GCC2: variants seen among roughly 807,000 people sequenced by gnomAD.
GCC2 encodes the protein GRIP and coiled-coil domain-containing protein 2.
GCC2 carries 120 observed loss-of-function variants against 210.6 expected under a neutral mutation model. The ratio of observed to expected loss-of-function variants is 0.57; its 90% CI spans 0.49 to 0.66. The LOEUF (loss-of-function observed/expected upper bound fraction) is 0.66, where lower values mean the gene tolerates loss of function less well. Ranked by LOEUF, GCC2 falls within the 30% of genes least tolerant of loss-of-function variation. GCC2 has a pLI of 0.00. For missense variants in GCC2, 1,868 were observed against 1,871.9 expected (o/e 1.00, Z 0.04); for synonymous variants, 703 against 652.7 (o/e 1.08, Z -1.17).
intron 18 of GCC2, among the ~76,000 whole-genome samples, chr2:108,491,893 TA>T (rs764259113): frequency 1.3e-5 from 2 of 152,018 alleles, no homozygotes; most frequent in Non-Finnish European, 2.9e-5. Flanking sequence ...GCTGAGTACA[TA>T]AAAATCACAT....
chr2:108,503,257 A>C (rs1371406763), intron 22 of GCC2, among the ~76,000 whole-genome samples: 1 of 152,032 alleles, frequency 6.6e-6, no homozygotes, highest in Non-Finnish European at 1.5e-5. Context: ...CAGCCAGAGA[A>C]AGAAGACACA....
Position 108,475,736 on chromosome 2 carries a change from C to T in GCC2, c.2962-16C>T. 3 of 1,553,338 alleles carry T rather than the reference C, an allele frequency of 1.9e-6. No homozygotes were observed. The highest frequency in any genetic ancestry group is 8.8e-7 in the Non-Finnish European group (1 of 1,139,664). On this transcript the variant is annotated splice_polypyrimidine_tract_variant and intron_variant, in intron 8 of 22. Transcript: ENST00000309863. ...AAAAACAAAAACCTCTTTAATTTTA[C>T]TTGTGTTTAAAACAGACCCAGACTG...
chr2:108,505,619 T>TC (rs1486993359), intron 22 of GCC2, among the ~76,000 whole-genome samples: 3 of 152,138 alleles, frequency 2.0e-5, no homozygotes, highest in African/African-American at 7.2e-5. Flanking sequence ...ACACAGGCCA[T>TC]CAGTTTAGCG....
chr2:108,449,219 A>T lies in GCC2; in HGVS notation c.-56A>T. ...AGAGCCTACGTCAGAGGCTGGCGCA[A>T]ACAGAAGTGCAGCGGTGGCGGCGGC... On this transcript the variant is annotated 5_prime_UTR_variant, in exon 1 of 23. Coordinates refer to ENST00000309863, the MANE Select transcript of GCC2 (RefSeq NM_181453.4). 1 of 1,536,504 alleles carries T rather than the reference A, an allele frequency of 6.5e-7. No homozygotes were observed. The highest frequency in any genetic ancestry group is 2.5e-5 in the East Asian group (1 of 40,772).
At chr2:108,506,466 C>G (rs1683190926) in intron 22 of GCC2, among the ~76,000 whole-genome samples, 1 of 152,164 alleles carries the variant, frequency 6.6e-6, no homozygotes, top group African/African-American at 2.4e-5. Flanking sequence ...GTGGGAGAAG[C>G]AGCCAGGGAG....
intron 9 of GCC2, among the ~76,000 whole-genome samples, chr2:108,476,728 C>T (rs1260095924): frequency 6.6e-6 from 1 of 152,122 alleles, no homozygotes; most frequent in South Asian, 2.1e-4. Flanking sequence ...TGTTATGTGG[C>T]AGACTGACTT....
At chr2:108,490,228 T>C (rs922863775) in intron 18 of GCC2, 4 of 366,434 alleles carry the variant, frequency 1.1e-5, no homozygotes, top group Non-Finnish European at 1.5e-5. Flanking sequence ...GTCTATCTGC[T>C]CATCCAGTAT....
At chr2:108,490,994 T>C (rs540773419) in intron 18 of GCC2, among the ~76,000 whole-genome samples, 3 of 152,316 alleles carry the variant, frequency 2.0e-5, no homozygotes, top group African/African-American at 7.2e-5. Context: ...TTCAGAAATA[T>C]TAAAAACTAA....
rs139691316 is a variant in GCC2, at chr2:108,471,189, A to G, written c.1860A>G (p.Glu620=). 5.1e-4 allele frequency: 821 copies of G among 1,604,486 alleles called. 3 individuals are homozygous for G. The highest frequency in any genetic ancestry group is 3.0e-3 in the African/African-American group (224 of 74,386). ...MDNFHKKCER[E]ERLILELGKK... The stretch of plus-strand genomic sequence containing the variant: ...ATTTCCATAAGAAATGTGAAAGGGA[A>G]GAAAGATTGATTCTTGAACTTGGGA... The change falls in exon 6 of 23, where the codon GAA becomes GAG. Residue 620 remains glutamate, a synonymous_variant. Transcript: ENST00000309863.
chr2:108,462,317 C>A (rs1353117299), intron 4 of GCC2, among the ~76,000 whole-genome samples: 4 of 144,266 alleles, frequency 2.8e-5, no homozygotes, highest in African/African-American at 1.0e-4. Context: ...ACAGTGAAAC[C>A]CCGTCTCTAC....
chr2:108,471,443 G>T lies in GCC2; in HGVS notation c.2114G>T (p.Ser705Ile), dbSNP rs1371440005. 3.7e-6 allele frequency: 6 copies of T among 1,609,778 alleles called. No individual in the cohort carries two copies. In the South Asian group the frequency reaches 6.7e-5, roughly 18 times the overall value. Residue 705 changes from serine (S) to isoleucine (I), a missense_variant, in exon 6 of 23, where the codon AGT becomes ATT. Around this residue, in one of 3 missense-constraint regions of GCC2, gnomAD observed 1,847 missense variants for 1,765.2 expected, o/e 1.05. Coordinates refer to ENST00000309863, the MANE Select transcript of GCC2 (RefSeq NM_181453.4). Reference protein sequence around the residue: ...NKLSSEKKQLSRDLEVFLSQK... With the variant: ...NKLSSEKKQLIRDLEVFLSQK... ...CTCAGTTCAGAAAAAAAACAGTTGA[G>T]TAGGGATTTGGAGGTTTTTTTGTCT...
chr2:108,478,094 G>T (rs1258719148), intron 9 of GCC2, among the ~76,000 whole-genome samples: 2 of 152,164 alleles, frequency 1.3e-5, no homozygotes, highest in African/African-American at 2.4e-5. Context: ...ACCTCTGGAA[G>T]AAATTAATAG....
chr2:108,501,161 A>G (rs918927720), intron 22 of GCC2, among the ~76,000 whole-genome samples: 4 of 151,636 alleles, frequency 2.6e-5, no homozygotes, highest in East Asian at 3.9e-4. Flanking sequence ...TAATTTTTCT[A>G]TTTTTAGTAG....
intron 18 of GCC2, among the ~76,000 whole-genome samples, chr2:108,490,875 T>A (rs2104495040): frequency 6.6e-6 from 1 of 152,350 alleles, no homozygotes. Context: ...AAAGTACTGT[T>A]GATTCCTCTA....
chr2:108,466,497 G>A (rs576446110), intron 4 of GCC2, among the ~76,000 whole-genome samples: 1 of 151,106 alleles, frequency 6.6e-6, no homozygotes, highest in East Asian at 1.9e-4. Context: ...TTTTGAGACA[G>A]AGTCTCGCTC....
chr2:108,490,751 T>C (rs894870976), intron 18 of GCC2, among the ~76,000 whole-genome samples: 1 of 152,222 alleles, frequency 6.6e-6, no homozygotes, highest in Non-Finnish European at 1.5e-5. Context: ...GTTTTCTAAC[T>C]GCCTATCACC....
intron 4 of GCC2, chr2:108,462,557 CTTCTTTT>C (rs1275499481): frequency 1.2e-4 from 11 of 94,030 alleles, no homozygotes; most frequent in Admixed American, 3.5e-4. Context: ...AAAGACTTCG[CTTCTTTT>C]TTTTTTTTTT....
intron 4 of GCC2, among the ~76,000 whole-genome samples, chr2:108,460,943 C>T (rs1164067302): frequency 6.6e-6 from 1 of 152,170 alleles, no homozygotes; most frequent in African/African-American, 2.4e-5. Context: ...GTAAGATGTG[C>T]CTCCTTCTCC....
rs372286240 is a variant in GCC2, at chr2:108,487,829, T to C, written c.4052+9T>C. ...GGCGCTAAACAAGAAAGGTAAAGTC[T>C]GAATTAAATATGCAGAGTTTTCCTC... On this transcript the variant is annotated intron_variant, in intron 17 of 22. Coordinates refer to ENST00000309863, the MANE Select transcript of GCC2 (RefSeq NM_181453.4). 1.9e-6 allele frequency: 3 copies of C among 1,610,824 alleles called. No homozygotes were observed. Among genetic ancestry groups the C allele is most frequent in the African/African-American group, 1.3e-5 (1 of 74,662 alleles).
Sources: allele counts gnomAD v4.1 joint callset (sites outside exome capture counted in the v4.1 genomes callset), GRCh38; gene constraint gnomAD v4.1.1; regional missense constraint gnomAD v4.1.1; transcripts MANE v1.5; gene names NCBI Gene and HGNC (gene_info 2026-07-23, HGNC 2026-07-21).